Variants in EML4 observed in about 807,000 individuals in gnomAD.
The protein encoded by EML4 is EMAP like 4.
Under a neutral mutation model 129.0 loss-of-function variants are expected in EML4, and 72 were observed. That is an observed-to-expected ratio of 0.56 (90% CI 0.46 to 0.68). The LOEUF (loss-of-function observed/expected upper bound fraction) is 0.68. Among genes scored for constraint, EML4 ranks in the 30% least tolerant of loss-of-function variants. The pLI, the probability that EML4 is intolerant of heterozygous loss-of-function variation, is 0.00. For missense variants in EML4, 1,363 were observed against 1,190.6 expected (o/e 1.14, Z -2.13); for synonymous variants, 532 against 405.0 (o/e 1.31, Z -3.77).
At chr2:42,206,495 G>C (rs183719126) in intron 1 of EML4, among the ~76,000 whole-genome samples, 1 of 152,138 alleles carries the variant, frequency 6.6e-6, no homozygotes, top group Non-Finnish European at 1.5e-5. Flanking sequence ...GATTATAGAC[G>C]TGGGCACTGC....
At chr2:42,306,334 G>C (rs1668591755) in intron 17 of EML4, among the ~76,000 whole-genome samples, 1 of 152,104 alleles carries the variant, frequency 6.6e-6, no homozygotes, top group African/African-American at 2.4e-5. Flanking sequence ...CTGAGGTGTA[G>C]TGCTGATCCA....
chr2:42,304,815 G>T (rs1225796474), intron 17 of EML4, among the ~76,000 whole-genome samples: 1 of 152,138 alleles, frequency 6.6e-6, no homozygotes, highest in African/African-American at 2.4e-5. Context: ...ACATTTTAGC[G>T]TGTATGGGAC....
At chr2:42,262,559 G>C (rs1343355298) in intron 4 of EML4, among the ~76,000 whole-genome samples, 1 of 152,076 alleles carries the variant, frequency 6.6e-6, no homozygotes, top group Non-Finnish European at 1.5e-5. Flanking sequence ...AAGTATTGGA[G>C]ACTGGATGAG....
At chr2:42,285,009 T>A (rs1288855638) in intron 9 of EML4, among the ~76,000 whole-genome samples, 1 of 152,166 alleles carries the variant, frequency 6.6e-6, no homozygotes, top group Non-Finnish European at 1.5e-5. Context: ...AACCAGTGTC[T>A]GCGGGAAGGT....
rs577138437 is a variant in EML4, at chr2:42,331,408, A to AT, written c.*1209dup. ...TGCATGTATTATGCATTGGAAAGGT[A>AT]TTTTTTTTAAGTTCTGTTGGCTAGC... On this transcript the variant is annotated 3_prime_UTR_variant, in exon 23 of 23. Coordinates refer to ENST00000318522, the MANE Select transcript of EML4 (RefSeq NM_019063.5). 258 of 223,478 alleles carry AT rather than the reference A, an allele frequency of 1.2e-3. 1 individual carries two copies. Among genetic ancestry groups the AT allele is most frequent in the African/African-American group, 5.3e-3 (237 of 44,798 alleles). The allele number at this position is 223,478 out of a possible 1,614,324, so 13.8% of individuals were successfully genotyped here. A position where few individuals can be genotyped will look rare whatever the true frequency, so the allele number is the denominator to read the frequency against.
chr2:42,293,860 C>T (rs147526360), intron 11 of EML4, among the ~76,000 whole-genome samples: 13 of 152,324 alleles, frequency 8.5e-5, no homozygotes, highest in African/African-American at 3.1e-4. Context: ...CCACCCGCCT[C>T]AGCCTCCCAA....
chr2:42,237,016 T>C (rs567364110), intron 1 of EML4, among the ~76,000 whole-genome samples: 2 of 152,308 alleles, frequency 1.3e-5, no homozygotes, highest in South Asian at 4.1e-4. Flanking sequence ...GAATTGTTTG[T>C]AGTCTCAACC....
chr2:42,285,858 C>T (rs1237777906), intron 9 of EML4: 1 of 182,354 alleles, frequency 5.5e-6, no homozygotes, highest in African/African-American at 2.4e-5. Flanking sequence ...CTCGGCCTCC[C>T]AAAGTGCTAG....
chr2:42,259,996 C>G (rs1254501580), intron 3 of EML4, among the ~76,000 whole-genome samples: 1 of 151,620 alleles, frequency 6.6e-6, no homozygotes, highest in Non-Finnish European at 1.5e-5. Flanking sequence ...TCCCAGAGTG[C>G]TGGGATTACA....
At chr2:42,206,583 C>A (rs186605083) in intron 1 of EML4, among the ~76,000 whole-genome samples, 1 of 152,096 alleles carries the variant, frequency 6.6e-6, no homozygotes, top group Non-Finnish European at 1.5e-5. Flanking sequence ...CTGAACTGTT[C>A]GTGAGCCTTT....
At chr2:42,282,689 T>C (rs6723361) in intron 7 of EML4, 134 bp from the exon 8 acceptor site, 249,972 of 775,998 alleles carry the variant, frequency 0.32, 42,972 homozygotes, top group East Asian at 0.55. Context: ...ACTCTGCCCG[T>C]CCAGGACATG....
chr2:42,171,028 G>A (rs1014975826), intron 1 of EML4, among the ~76,000 whole-genome samples: 1 of 152,192 alleles, frequency 6.6e-6, no homozygotes, highest in East Asian at 1.9e-4. Flanking sequence ...TCCTAAAATA[G>A]GAGGCAACTG....
chr2:42,200,427 G>A (rs1409260503), intron 1 of EML4, among the ~76,000 whole-genome samples: 1 of 152,200 alleles, frequency 6.6e-6, no homozygotes, highest in African/African-American at 2.4e-5. Flanking sequence ...GCTGTAGAGA[G>A]CAGTCTTTTT....
At position 42,280,910 on chromosome 2, in the gene EML4, A is replaced by G; in HGVS notation, c.728A>G (p.Asp243Gly). The G allele has an allele frequency of 1.2e-6, 2 of 1,612,844 alleles. No homozygotes were observed. Among genetic ancestry groups the G allele is most frequent in the Non-Finnish European group, 1.7e-6 (2 of 1,179,090 alleles). The change falls in exon 7 of 23, where the codon GAT becomes GGT. Residue 243 changes from aspartate to glycine, a missense_variant. Physicochemically the swap from Asp to Gly is moderately conservative, Grantham distance 94 (BLOSUM62 -1). Coordinates refer to ENST00000318522, the MANE Select transcript of EML4 (RefSeq NM_019063.5). ...CCAATTACCATGTTCATTCCTTCCGATGTTGACAACTATGATGACATCAGA... is the reference window on the plus strand; with the variant it reads ...CCAATTACCATGTTCATTCCTTCCGGTGTTGACAACTATGATGACATCAGA... Reference protein sequence around the residue: ...GRPITMFIPSDVDNYDDIRTE... With the variant: ...GRPITMFIPSGVDNYDDIRTE...
At chr2:42,278,573 CAAAAAAAAAAAAAAA>C (rs35916382) in intron 6 of EML4, among the ~76,000 whole-genome samples, 26 of 54,278 alleles carry the variant, frequency 4.8e-4, no homozygotes, top group South Asian at 1.1e-3. Context: ...GACTCCATCT[CAAAAAAAAAAAAAAA>C]AAAAAAAAAA....
At chr2:42,233,731 A>G (rs574436001) in intron 1 of EML4, among the ~76,000 whole-genome samples, 2 of 152,316 alleles carry the variant, frequency 1.3e-5, no homozygotes, top group South Asian at 4.1e-4. Flanking sequence ...TTTATAATGA[A>G]TCTTAATATC....
chr2:42,216,480 A>G (rs1673201366), intron 1 of EML4, among the ~76,000 whole-genome samples: 1 of 150,886 alleles, frequency 6.6e-6, no homozygotes, highest in Admixed American at 6.6e-5. Flanking sequence ...TGACGTCGTG[A>G]TCCACCTATC....
chr2:42,300,554 A>G (rs1668224430), intron 13 of EML4, among the ~76,000 whole-genome samples: 1 of 152,086 alleles, frequency 6.6e-6, no homozygotes, highest in South Asian at 2.1e-4. Flanking sequence ...AAAATACTGA[A>G]ATTATTCTCT....
intron 19 of EML4, among the ~76,000 whole-genome samples, chr2:42,322,525 C>T (rs1669575571): frequency 6.6e-6 from 1 of 152,222 alleles, no homozygotes; most frequent in South Asian, 2.1e-4. Flanking sequence ...AATCATCATG[C>T]AGTTGACAAA....
Sources: allele counts gnomAD v4.1 joint callset (sites outside exome capture counted in the v4.1 genomes callset), GRCh38; gene constraint gnomAD v4.1.1; transcripts MANE v1.5; gene names NCBI Gene and HGNC (gene_info 2026-07-23, HGNC 2026-07-21).